The following ADAMTS17 variants were observed in gnomAD, a reference collection of about 807,000 sequenced individuals.
ADAMTS17 encodes A disintegrin and metalloproteinase with thrombospondin motifs 17.
A neutral mutation model predicts 141.5 loss-of-function variants in ADAMTS17; 113 were observed. The observed-to-expected ratio is 0.80, with a 90% CI of 0.69 to 0.93. The LOEUF (loss-of-function observed/expected upper bound fraction) is 0.93. Among genes scored for constraint, ADAMTS17 ranks in the 40% least tolerant of loss-of-function variants. The pLI, the probability that ADAMTS17 is intolerant of heterozygous loss-of-function variation, is 0.00. For synonymous variants in ADAMTS17, 768 were observed against 630.6 expected, an observed-to-expected ratio of 1.22 and a Z score of -3.27; for missense variants, 1,659 against 1,517.9, an observed-to-expected ratio of 1.09 and a Z score of -1.54.
intron 8 of ADAMTS17, among the ~76,000 whole-genome samples, chr15:100,162,990 C>T (rs2039794785): frequency 7.3e-6 from 1 of 136,972 alleles, no homozygotes; most frequent in Non-Finnish European, 1.5e-5. Flanking sequence ...GTATATATAA[C>T]TATATATGTA....
intron 2 of ADAMTS17, among the ~76,000 whole-genome samples, chr15:100,334,970 T>C (rs1344698204): frequency 6.6e-6 from 1 of 152,038 alleles, no homozygotes; most frequent in African/African-American, 2.4e-5. Context: ...AGTGCTCCCC[T>C]CGTTCAGTCC....
rs978734618 is a variant in ADAMTS17, at chr15:100,070,563, A to C, written c.2138-16509T>G. 1.1e-4 allele frequency among the ~76,000 whole-genome samples: 16 copies of C among 150,292 alleles called. 2 individuals are homozygous for C. The Admixed American group carries it at 1.1e-3, about 10-fold the overall frequency. ...CTGTCTCTCAGACCACGGTGCAATC[A>C]AACTAGAACTCAGGATTAAGAAACT... On this transcript the variant is annotated intron_variant, in intron 15 of 21. Coordinates refer to ENST00000268070, the MANE Select transcript of ADAMTS17 (RefSeq NM_139057.4).
intron 18 of ADAMTS17, among the ~76,000 whole-genome samples, chr15:100,005,339 GTC>G (rs1417772844): frequency 3.9e-5 from 6 of 152,166 alleles, no homozygotes; most frequent in Non-Finnish European, 7.3e-5. Context: ...TCTGGCATGA[GTC>G]TCTCAAATCT....
chr15:100,021,250 G>A (rs573134194), intron 18 of ADAMTS17, among the ~76,000 whole-genome samples: 9 of 152,282 alleles, frequency 5.9e-5, no homozygotes, highest in African/African-American at 2.2e-4. Context: ...AGACCACTCT[G>A]CTAGTCCCCA....
intron 7 of ADAMTS17, among the ~76,000 whole-genome samples, chr15:100,215,119 G>T (rs957667909): frequency 2.6e-5 from 4 of 152,210 alleles, no homozygotes; most frequent in Admixed American, 2.0e-4. Context: ...TGCCTGGCAG[G>T]TTCCGGCTAC....
intron 8 of ADAMTS17, among the ~76,000 whole-genome samples, chr15:100,184,789 C>T (rs532831432): frequency 6.6e-6 from 1 of 152,282 alleles, no homozygotes; most frequent in African/African-American, 2.4e-5. Context: ...CTTCCCGTAG[C>T]CCCCTGTCAC....
chr15:100,259,597 G>C (rs750452488), intron 6 of ADAMTS17, among the ~76,000 whole-genome samples: 1 of 152,212 alleles, frequency 6.6e-6, no homozygotes, highest in Non-Finnish European at 1.5e-5. Context: ...AGAATTATTA[G>C]ACAGACTTTT....
In ADAMTS17 at chr15:100,295,560, T is replaced by C. The variant is rs1336184230; in HGVS notation, c.617-14159A>G. Reference sequence around the variant, plus strand: ...CACCAACTTGGGTATACTCCCTCCATGGTCTGTCCCTTCAAAGGTATAAGC... The same window carrying C: ...CACCAACTTGGGTATACTCCCTCCACGGTCTGTCCCTTCAAAGGTATAAGC... On this transcript the variant is annotated intron_variant, in intron 3 of 21. Transcript: ENST00000268070. Among the ~76,000 whole-genome samples the C allele has an allele frequency of 3.3e-5, 5 of 152,184 alleles. No individual in the cohort carries two copies. In the East Asian group the frequency reaches 9.6e-4, roughly 29 times the overall value.
chr15:100,166,759 T>G (rs2039967086), intron 8 of ADAMTS17, among the ~76,000 whole-genome samples: 1 of 152,204 alleles, frequency 6.6e-6, no homozygotes, highest in Non-Finnish European at 1.5e-5. Context: ...TAGAAGGGAA[T>G]AACTTCATGA....
chr15:100,318,430 T>A (rs529331787), intron 3 of ADAMTS17, among the ~76,000 whole-genome samples: 1 of 152,100 alleles, frequency 6.6e-6, no homozygotes, highest in East Asian at 1.9e-4. Flanking sequence ...ATGAATGGTA[T>A]TAGTGCCCTT....
At chr15:100,051,034 GA>G (rs1367629559) in intron 17 of ADAMTS17, among the ~76,000 whole-genome samples, 2 of 152,204 alleles carry the variant, frequency 1.3e-5, no homozygotes, top group Non-Finnish European at 2.9e-5. Flanking sequence ...TCCTATTTCA[GA>G]AGTGAAGAAA....
chr15:100,156,713 C>G (rs2141379663), intron 8 of ADAMTS17, among the ~76,000 whole-genome samples: 1 of 152,340 alleles, frequency 6.6e-6, no homozygotes, highest in African/African-American at 2.4e-5. Context: ...AGATAGACTG[C>G]TGTCCAACTG....
rs950250949 is a variant in ADAMTS17, at chr15:100,341,102, G to A, written c.387C>T (p.Gly129=). The change falls in exon 2 of 22, where the codon GGC becomes GGT. Residue 129 remains glycine (G), a synonymous_variant. Transcript: ENST00000268070. ...GGGAGCCGGGGTGGCCGAGCACACG[G>A]CCCGAGTAGAAGCACAGCTCGGCGG... ...GRPAELCFYS[G]RVLGHPGSLV... 115 of 1,512,976 alleles carry A rather than the reference G, an allele frequency of 7.6e-5. No homozygotes were observed. The highest frequency in any genetic ancestry group is 9.9e-5 in the Non-Finnish European group (112 of 1,136,770). 93.7% of individuals were successfully genotyped at this position (1,512,976 alleles called of 1,614,324 possible).
At chr15:99,996,362 G>A (rs1284847376) in intron 19 of ADAMTS17, among the ~76,000 whole-genome samples, 3 of 152,150 alleles carry the variant, frequency 2.0e-5, no homozygotes, top group Non-Finnish European at 4.4e-5. Flanking sequence ...GGAAAGGGGA[G>A]GGGACTGAAC....
chr15:100,262,552 G>T, intron 4 of ADAMTS17, 117 bp from the exon 5 acceptor site: 1 of 754,698 alleles, frequency 1.3e-6, no homozygotes, highest in Non-Finnish European at 2.1e-6. Flanking sequence ...TAAGGAAATA[G>T]AAATAAAGCG....
At chr15:100,062,673 T>C (rs755988106) in intron 15 of ADAMTS17, among the ~76,000 whole-genome samples, 3 of 152,244 alleles carry the variant, frequency 2.0e-5, no homozygotes, top group Non-Finnish European at 2.9e-5. Context: ...ATGGGTAACT[T>C]CGATTTAGCT....
chr15:100,018,399 T>C (rs2061334478), intron 18 of ADAMTS17, among the ~76,000 whole-genome samples: 1 of 152,252 alleles, frequency 6.6e-6, no homozygotes, highest in South Asian at 2.1e-4. Context: ...AACCTCATGC[T>C]AAATTGTAAT....
chr15:100,273,368 A>C (rs1196385174), intron 4 of ADAMTS17, among the ~76,000 whole-genome samples: 1 of 152,146 alleles, frequency 6.6e-6, no homozygotes, highest in African/African-American at 2.4e-5. Context: ...TTACTGATTC[A>C]GTTACCTTAC....
intron 8 of ADAMTS17, among the ~76,000 whole-genome samples, chr15:100,197,339 G>A (rs759445325): frequency 1.3e-5 from 2 of 152,144 alleles, no homozygotes; most frequent in African/African-American, 2.4e-5. Flanking sequence ...TAGCAACTCG[G>A]GTGTTGGTAA....
Sources: gnomAD v4.1 joint callset for allele counts (sites outside exome capture counted in the v4.1 genomes callset) on GRCh38, gnomAD v4.1.1 for gene constraint, MANE v1.5 for transcripts, NCBI Gene and HGNC (gene_info 2026-07-23, HGNC 2026-07-21) for gene names.